The following MAML2 variants were observed in gnomAD, a reference collection of about 807,000 sequenced individuals.
MAML2 encodes the protein mastermind-like protein 2.
In MAML2, 22 loss-of-function variants were observed where a neutral mutation model predicts 96.1. The observed-to-expected ratio is 0.23, with a 90% confidence interval of 0.16 to 0.33. The LOEUF is 0.33. Ranked by LOEUF, MAML2 falls within the 10% of genes least tolerant of loss-of-function variation. MAML2 has a pLI of 1.00. For synonymous variants in MAML2, 561 were observed against 521.3 expected (o/e 1.08, Z -1.04); for missense variants, 1,367 against 1,392.4 (o/e 0.98, Z 0.29).
At chr11:96,165,307 T>C (rs568053466) in intron 1 of MAML2, among the ~76,000 whole-genome samples, 2 of 152,208 alleles carry the variant, frequency 1.3e-5, no homozygotes, top group Non-Finnish European at 2.9e-5. Flanking sequence ...CAGTTTCCGA[T>C]GTGGTGGCTT....
At chr11:96,272,501 G>A (rs1041254256) in intron 1 of MAML2, among the ~76,000 whole-genome samples, 2 of 152,136 alleles carry the variant, frequency 1.3e-5, no homozygotes, top group Non-Finnish European at 2.9e-5. Flanking sequence ...CATATTATGA[G>A]TGGGAAACAA....
chr11:96,120,147 CAG>C (rs1860312156), intron 1 of MAML2, among the ~76,000 whole-genome samples: 2 of 152,036 alleles, frequency 1.3e-5, no homozygotes, highest in Admixed American at 6.6e-5. Flanking sequence ...TTAGTAGAGA[CAG>C]GGTTTTGCCG....
chr11:96,053,212 T>C (rs750642140), intron 2 of MAML2, among the ~76,000 whole-genome samples: 3 of 152,174 alleles, frequency 2.0e-5, no homozygotes, highest in Non-Finnish European at 4.4e-5. Context: ...CAAACTCTCA[T>C]AGAGAAATGT....
At chr11:96,295,937 A>AAC (rs56231526) in intron 1 of MAML2, among the ~76,000 whole-genome samples, 31,761 of 137,530 alleles carry the variant, frequency 0.23, 3,583 homozygotes, top group Middle Eastern at 0.33. Context: ...CAGAACAGTA[A>AAC]ACACACACAC....
intron 4 of MAML2, among the ~76,000 whole-genome samples, chr11:95,981,709 C>CAGCCAGGT (rs1857741253): frequency 6.6e-6 from 1 of 152,150 alleles, no homozygotes; most frequent in Non-Finnish European, 1.5e-5. Context: ...AGAGACATAA[C>CAGCCAGGT]AGCCAGGTAG....
intron 1 of MAML2, among the ~76,000 whole-genome samples, chr11:96,292,102 T>A (rs1219708029): frequency 1.3e-5 from 2 of 152,218 alleles, no homozygotes; most frequent in Non-Finnish European, 2.9e-5. Context: ...CATACACCAT[T>A]TTACCTTGTA....
chr11:96,275,838 C>T (rs758779063), intron 1 of MAML2, among the ~76,000 whole-genome samples: 1 of 152,170 alleles, frequency 6.6e-6, no homozygotes, highest in African/African-American at 2.4e-5. Context: ...CTAATTATAT[C>T]TATTATAATT....
intron 1 of MAML2, among the ~76,000 whole-genome samples, chr11:96,133,957 G>A (rs949864654): frequency 2.0e-5 from 3 of 151,834 alleles, no homozygotes; most frequent in Admixed American, 2.0e-4. Context: ...TCATGCCACT[G>A]CACTCCAGCC....
chr11:96,227,227 A>G (rs1862225836), intron 1 of MAML2, among the ~76,000 whole-genome samples: 1 of 152,194 alleles, frequency 6.6e-6, no homozygotes, highest in Admixed American at 6.5e-5. Context: ...CTGACTCTCT[A>G]AACTTTCCTT....
At chr11:96,220,782 A>C (rs1862125017) in intron 1 of MAML2, among the ~76,000 whole-genome samples, 1 of 152,154 alleles carries the variant, frequency 6.6e-6, no homozygotes, top group Non-Finnish European at 1.5e-5. Flanking sequence ...CATCCTCTGA[A>C]ACCTCTACTG....
At chr11:96,110,240 G>A (rs1860094936) in intron 1 of MAML2, among the ~76,000 whole-genome samples, 1 of 152,186 alleles carries the variant, frequency 6.6e-6, no homozygotes, top group Non-Finnish European at 1.5e-5. Context: ...AGCTCTACTG[G>A]AGGAAGGAGA....
chr11:96,232,144 C>T (rs151100764), intron 1 of MAML2, among the ~76,000 whole-genome samples: 1 of 152,286 alleles, frequency 6.6e-6, no homozygotes, highest in African/African-American at 2.4e-5. Flanking sequence ...TTTAGATCCC[C>T]CCAAGATGAT....
intron 1 of MAML2, among the ~76,000 whole-genome samples, chr11:96,204,648 AGTTTTT>A (rs1057331142): frequency 6.6e-6 from 1 of 152,284 alleles, no homozygotes; most frequent in East Asian, 1.9e-4. Flanking sequence ...AGACTCCAAG[AGTTTTT>A]GTTTTTGTTT....
At chr11:96,220,048 T>C (rs1405031590) in intron 1 of MAML2, among the ~76,000 whole-genome samples, 1 of 152,250 alleles carries the variant, frequency 6.6e-6, no homozygotes, top group Non-Finnish European at 1.5e-5. Context: ...TGGCATGTTG[T>C]TATCATTGCC....
Position 96,343,134 on chromosome 11 carries a change from G to A in MAML2, c.-1239C>T. The stretch of plus-strand genomic sequence containing the variant: ...TTGCTGACACTGGCTCGCGCCCGGA[G>A]TCACGGCGATACACAGGCTTTCATT... On this transcript the variant is annotated 5_prime_UTR_variant, in exon 1 of 5. Coordinates refer to ENST00000524717, the MANE Select transcript of MAML2 (RefSeq NM_032427.4). 1 of 398,136 alleles carries A rather than the reference G, an allele frequency of 2.5e-6. No individual in the cohort carries two copies. Among genetic ancestry groups the A allele is most frequent in the South Asian group, 1.3e-4 (1 of 7,850 alleles). The allele number at this position is 398,136 out of a possible 1,614,324, so 24.7% of individuals were successfully genotyped here. A position where few individuals can be genotyped will look rare whatever the true frequency, so the allele number is the denominator to read the frequency against.
intron 1 of MAML2, among the ~76,000 whole-genome samples, chr11:96,259,711 G>A (rs1251662460): frequency 2.6e-5 from 4 of 152,156 alleles, no homozygotes; most frequent in East Asian, 3.9e-4. Flanking sequence ...GAGTCATCTC[G>A]ATGTGGACCA....
chr11:96,155,488 C>G (rs1860994606), intron 1 of MAML2, among the ~76,000 whole-genome samples: 1 of 125,874 alleles, frequency 7.9e-6, no homozygotes, highest in African/African-American at 3.1e-5. Flanking sequence ...CTACCCACCT[C>G]ATGGGCGCTG....
At chr11:96,216,953 A>G (rs1757404028) in intron 1 of MAML2, among the ~76,000 whole-genome samples, 1 of 152,188 alleles carries the variant, frequency 6.6e-6, no homozygotes, top group African/African-American at 2.4e-5. Flanking sequence ...GTGCACAAGC[A>G]AATAGGTATG....
At chr11:96,141,970 C>G (rs1167581989) in intron 1 of MAML2, among the ~76,000 whole-genome samples, 2 of 152,180 alleles carry the variant, frequency 1.3e-5, no homozygotes, top group Admixed American at 6.5e-5. Context: ...AAAAAGCTAG[C>G]CTGAGAAGAT....
Sources: allele counts gnomAD v4.1 joint callset (sites outside exome capture counted in the v4.1 genomes callset), GRCh38; gene constraint gnomAD v4.1.1; transcripts MANE v1.5; gene names NCBI Gene and HGNC (gene_info 2026-07-23, HGNC 2026-07-21).